The following PHYHIPL variants were observed in gnomAD, a reference collection of about 807,000 sequenced individuals.
PHYHIPL encodes the protein phytanoyl-CoA 2-hydroxylase interacting protein like.
In PHYHIPL, 9 loss-of-function variants were observed where a neutral mutation model predicts 33.4. That is an observed-to-expected ratio of 0.27 (90% CI 0.16 to 0.47). PHYHIPL has a LOEUF of 0.47. Among genes scored for constraint, PHYHIPL ranks in the 20% least tolerant of loss-of-function variants. PHYHIPL has a pLI of 0.99. For synonymous variants in PHYHIPL, 153 were observed against 154.1 expected (o/e 0.99, Z 0.05); for missense variants, 365 against 460.7 (o/e 0.79, Z 1.90).
intron 1 of PHYHIPL, among the ~76,000 whole-genome samples, chr10:59,183,940 A>C (rs879599310): frequency 1.3e-5 from 2 of 152,228 alleles, no homozygotes; most frequent in Non-Finnish European, 2.9e-5. Context: ...CAAGGCATAA[A>C]AGATTTTTCA....
At chr10:59,202,980 A>G (rs1303270751) in intron 1 of PHYHIPL, among the ~76,000 whole-genome samples, 1 of 152,214 alleles carries the variant, frequency 6.6e-6, no homozygotes, top group African/African-American at 2.4e-5. Flanking sequence ...TGCAGAATAT[A>G]GTGATTACTA....
At chr10:59,212,672 T>C (rs972182855) in intron 1 of PHYHIPL, among the ~76,000 whole-genome samples, 1 of 152,206 alleles carries the variant, frequency 6.6e-6, no homozygotes, top group Non-Finnish European at 1.5e-5. Flanking sequence ...GAACCTATTC[T>C]GGTTTGGGGA....
chr10:59,183,178 A>G (rs1036662402), intron 1 of PHYHIPL, among the ~76,000 whole-genome samples: 2 of 152,002 alleles, frequency 1.3e-5, no homozygotes, highest in Non-Finnish European at 2.9e-5. Context: ...AAGGCTATAC[A>G]AGGTCTGATG....
intron 1 of PHYHIPL, among the ~76,000 whole-genome samples, chr10:59,196,782 A>G (rs959879940): frequency 2.0e-5 from 3 of 152,168 alleles, no homozygotes; most frequent in Non-Finnish European, 4.4e-5. Context: ...ATAGATTTGT[A>G]TTATATTCTA....
At chr10:59,217,854 G>T (rs893370539) in intron 1 of PHYHIPL, among the ~76,000 whole-genome samples, 5 of 151,910 alleles carry the variant, frequency 3.3e-5, no homozygotes, top group African/African-American at 1.2e-4. Flanking sequence ...TCTTTTTAAG[G>T]ATGCTTACCA....
chr10:59,243,780 AGGC>A (rs1417556204), intron 4 of PHYHIPL, among the ~76,000 whole-genome samples: 1 of 152,184 alleles, frequency 6.6e-6, no homozygotes, highest in Admixed American at 6.5e-5. Flanking sequence ...AAAAAAAAGA[AGGC>A]AGCACACTTG....
rs778996468 is a variant in PHYHIPL, at chr10:59,245,768, C to T, written c.*177C>T. ...AGAACCATTTTAGTGTTTTCCTATT[C>T]CCTACCCCTCCCACTACTTTCAATG... On this transcript the variant is annotated 3_prime_UTR_variant, in exon 5 of 5. Transcript: ENST00000373880. 9.6e-5 allele frequency: 59 copies of T among 614,206 alleles called. No homozygotes were observed. Among genetic ancestry groups the T allele is most frequent in the Non-Finnish European group, 1.4e-4 (52 of 368,858 alleles). The allele number at this position is 614,206 out of a possible 1,614,324, so 38.0% of individuals were successfully genotyped here.
At chr10:59,222,443 G>T (rs1160134409) in intron 1 of PHYHIPL, among the ~76,000 whole-genome samples, 2 of 151,892 alleles carry the variant, frequency 1.3e-5, no homozygotes, top group African/African-American at 4.8e-5. Flanking sequence ...CCTGTGGAAA[G>T]AAATAATACA....
intron 1 of PHYHIPL, among the ~76,000 whole-genome samples, chr10:59,206,050 A>G (rs745810453): frequency 6.6e-6 from 1 of 152,080 alleles, no homozygotes; most frequent in Non-Finnish European, 1.5e-5. Flanking sequence ...TCTTATTTTA[A>G]CTTCTTTGAT....
intron 1 of PHYHIPL, chr10:59,183,691 A>G: frequency 1.0e-6 from 1 of 984,576 alleles, no homozygotes; most frequent in Non-Finnish European, 1.2e-6. Flanking sequence ...TGAACCAAGA[A>G]CGTCATACTT....
intron 1 of PHYHIPL, among the ~76,000 whole-genome samples, chr10:59,198,383 T>A (rs1838987173): frequency 6.6e-6 from 1 of 152,196 alleles, no homozygotes; most frequent in Admixed American, 6.5e-5. Flanking sequence ...GGACATGAAC[T>A]CATCATTTTT....
chr10:59,207,308 C>T (rs1268786820), intron 1 of PHYHIPL, among the ~76,000 whole-genome samples: 2 of 152,184 alleles, frequency 1.3e-5, no homozygotes, highest in African/African-American at 2.4e-5. Flanking sequence ...CGTTGCCTCA[C>T]CTGGGAAGCG....
intron 1 of PHYHIPL, among the ~76,000 whole-genome samples, chr10:59,231,225 C>T (rs1453751982): frequency 6.6e-6 from 1 of 152,012 alleles, no homozygotes; most frequent in Non-Finnish European, 1.5e-5. Context: ...AAATATGATA[C>T]ATTTGAGAAA....
At chr10:59,174,518 A>C (rs1468889580), upstream of PHYHIPL, among the ~76,000 whole-genome samples, 1 of 152,226 alleles carries the variant, frequency 6.6e-6, no homozygotes, top group Non-Finnish European at 1.5e-5. Context: ...TTAATATCGA[A>C]AGTTAAAAAG....
chr10:59,231,949 G>C (rs1047123069), intron 1 of PHYHIPL, among the ~76,000 whole-genome samples: 34 of 152,008 alleles, frequency 2.2e-4, no homozygotes, highest in Non-Finnish European at 4.4e-4. Context: ...GGGGGGAAAA[G>C]TTCTATTAAT....
intron 1 of PHYHIPL, chr10:59,177,537 A>G (rs1223492452): frequency 1.4e-5 from 22 of 1,551,490 alleles, no homozygotes; most frequent in South Asian, 3.6e-5. Context: ...GACAGACACA[A>G]TCTTCATGGT....
chr10:59,210,172 T>C (rs1564709563), intron 1 of PHYHIPL, among the ~76,000 whole-genome samples: 1 of 152,108 alleles, frequency 6.6e-6, no homozygotes. Context: ...AATTTTGCGC[T>C]CTATCCATCT....
Position 59,225,662 on chromosome 10 carries a change from GA to G in PHYHIPL, c.107-8640del, listed in dbSNP as rs1281030736. ...CCAAACCAAGAGAATAAACTAATAT[GA>G]AGTTTCTTTGCTGTGATTCTCCATA... is the stretch of plus-strand genomic sequence containing the variant. On this transcript the variant is annotated intron_variant, in intron 1 of 4. Transcript: ENST00000373880. Among the ~76,000 whole-genome samples the G allele has an allele frequency of 2.6e-5, 4 of 152,156 alleles. No individual in the cohort carries two copies. The East Asian group carries it at 7.7e-4, about 29-fold the overall frequency.
intron 4 of PHYHIPL, among the ~76,000 whole-genome samples, chr10:59,239,134 A>G (rs1365578563): frequency 6.6e-6 from 1 of 151,966 alleles, no homozygotes; most frequent in East Asian, 1.9e-4. Context: ...GCAGACTTCT[A>G]CCTAAGTAGA....
Sources: allele counts gnomAD v4.1 joint callset (sites outside exome capture counted in the v4.1 genomes callset), GRCh38; gene constraint gnomAD v4.1.1; transcripts MANE v1.5; gene names NCBI Gene and HGNC (gene_info 2026-07-23, HGNC 2026-07-21).